Variants in COMMD1 observed in about 807,000 individuals in gnomAD.
The protein encoded by COMMD1 is COMM domain-containing protein 1.
In COMMD1, 10 loss-of-function variants were observed where a neutral mutation model predicts 17.2. That is an observed-to-expected ratio of 0.58 (90% CI 0.36 to 0.99). The LOEUF is 0.99. Ranked by LOEUF, COMMD1 falls within the 50% of genes least tolerant of loss-of-function variation. The pLI, the probability that COMMD1 is intolerant of heterozygous loss-of-function variation, is 0.01. For synonymous variants in COMMD1, 97 were observed against 91.6 expected (o/e 1.06, Z -0.34); for missense variants, 270 against 231.8 (o/e 1.17, Z -1.07).
At chr2:61,951,637 G>A (rs1481750643) in intron 1 of COMMD1, among the ~76,000 whole-genome samples, 3 of 152,018 alleles carry the variant, frequency 2.0e-5, no homozygotes, top group Non-Finnish European at 4.4e-5. Context: ...CTGTATAATG[G>A]GGATATAGTA....
intron 2 of COMMD1, among the ~76,000 whole-genome samples, chr2:62,023,069 A>G (rs1459694491): frequency 1.3e-5 from 2 of 152,186 alleles, no homozygotes; most frequent in African/African-American, 4.8e-5. Flanking sequence ...TCTACTAAAA[A>G]TATAAAATTA....
intron 1 of COMMD1, among the ~76,000 whole-genome samples, chr2:61,894,526 G>A (rs781169110): frequency 1.2e-4 from 18 of 151,764 alleles, no homozygotes; most frequent in Admixed American, 3.9e-4. Context: ...AGGATTTCTT[G>A]TATTTGTTAA....
intron 2 of COMMD1, among the ~76,000 whole-genome samples, chr2:62,059,333 AT>A: frequency 6.6e-6 from 1 of 151,372 alleles, no homozygotes; most frequent in Non-Finnish European, 1.5e-5. Context: ...TTAAAAAAAA[AT>A]TTTTTTGTTT....
chr2:61,915,861 G>T (rs1223461918), intron 1 of COMMD1: 1 of 278,804 alleles, frequency 3.6e-6, no homozygotes. Context: ...ATAAAATAGA[G>T]ATGGGGTCTT....
At chr2:62,083,637 T>A (rs1671586268) in intron 2 of COMMD1, among the ~76,000 whole-genome samples, 1 of 152,264 alleles carries the variant, frequency 6.6e-6, no homozygotes, top group Non-Finnish European at 1.5e-5. Flanking sequence ...TGTTCCTCTG[T>A]TTCCTGTAAG....
Position 61,949,349 on chromosome 2 carries a change from A to G in COMMD1, c.180+43491A>G, listed in dbSNP as rs1430112841. 3.9e-5 allele frequency among the ~76,000 whole-genome samples: 6 copies of G among 152,202 alleles called. No individual in the cohort carries two copies. The East Asian group carries it at 1.2e-3, about 29-fold the overall frequency. ...GGAGAACTTCTAGCCTAAGAGGAGT[A>G]CAGAGAGGCTCAAAACCAAAACTGG... On this transcript the variant is annotated intron_variant, in intron 1 of 2. Transcript: ENST00000311832.
intron 2 of COMMD1, among the ~76,000 whole-genome samples, chr2:62,013,986 A>G (rs919191102): frequency 8.5e-5 from 13 of 152,258 alleles, no homozygotes; most frequent in African/African-American, 3.1e-4. Context: ...ATTACTGAAC[A>G]TAAATTTTTT....
chr2:62,041,881 C>T (rs112478578), intron 2 of COMMD1, among the ~76,000 whole-genome samples: 13 of 152,280 alleles, frequency 8.5e-5, no homozygotes, highest in South Asian at 6.2e-4. Flanking sequence ...CTCATAAAGG[C>T]GATGCAGACC....
At chr2:62,110,801 C>G (rs1194785439) in intron 2 of COMMD1, among the ~76,000 whole-genome samples, 1 of 152,060 alleles carries the variant, frequency 6.6e-6, no homozygotes. Flanking sequence ...TCAAAAAATA[C>G]AGATTAACAA....
intron 1 of COMMD1, among the ~76,000 whole-genome samples, chr2:61,994,936 G>A (rs1395658625): frequency 2.0e-5 from 3 of 152,042 alleles, no homozygotes; most frequent in Non-Finnish European, 1.5e-5. Context: ...AGTCCCCATG[G>A]CCACTAGCAG....
intron 2 of COMMD1, among the ~76,000 whole-genome samples, chr2:62,036,467 A>G (rs1014788324): frequency 1.3e-5 from 2 of 152,206 alleles, no homozygotes; most frequent in Non-Finnish European, 2.9e-5. Flanking sequence ...TTTGAAGACC[A>G]CATAGTCTTC....
At chr2:61,978,488 C>A (rs1441787570) in intron 1 of COMMD1, among the ~76,000 whole-genome samples, 1 of 152,090 alleles carries the variant, frequency 6.6e-6, no homozygotes, top group African/African-American at 2.4e-5. Flanking sequence ...TAGCAATTTA[C>A]TAAAAAATGG....
intron 2 of COMMD1, among the ~76,000 whole-genome samples, chr2:62,099,186 G>A (rs1672103717): frequency 6.6e-6 from 1 of 152,196 alleles, no homozygotes; most frequent in African/African-American, 2.4e-5. Flanking sequence ...AGGAGCAGAA[G>A]GGGAGACAGT....
intron 2 of COMMD1, among the ~76,000 whole-genome samples, chr2:62,071,482 C>T (rs868288474): frequency 3.9e-5 from 6 of 152,022 alleles, no homozygotes; most frequent in Middle Eastern, 3.2e-3. Flanking sequence ...GCCTTAACTT[C>T]CTAGGAATGC....
At chr2:61,888,576 G>C, upstream of COMMD1, 2 of 1,550,796 alleles carry the variant, frequency 1.3e-6, no homozygotes, top group Non-Finnish European at 1.7e-6. Context: ...CGGCCGCAGT[G>C]TAATAACGGT....
chr2:61,990,263 G>C (rs1297049395), intron 1 of COMMD1, among the ~76,000 whole-genome samples: 3 of 152,212 alleles, frequency 2.0e-5, no homozygotes. Flanking sequence ...TCCTGACTGT[G>C]ATTTGCCTTG....
At chr2:61,938,192 A>G (rs1466237503) in intron 1 of COMMD1, among the ~76,000 whole-genome samples, 1 of 151,828 alleles carries the variant, frequency 6.6e-6, no homozygotes, top group Non-Finnish European at 1.5e-5. Context: ...CCATTTCCTG[A>G]TGGTCCACAC....
At chr2:61,895,003 A>G (rs967930961) in intron 1 of COMMD1, among the ~76,000 whole-genome samples, 3 of 152,164 alleles carry the variant, frequency 2.0e-5, no homozygotes, top group Non-Finnish European at 2.9e-5. Flanking sequence ...AGAAGAATAT[A>G]TTTTTAAAAT....
intron 2 of COMMD1, among the ~76,000 whole-genome samples, chr2:62,073,932 GGTGATCCACCC>G (rs1324387801): frequency 6.6e-6 from 1 of 152,136 alleles, no homozygotes; most frequent in African/African-American, 2.4e-5. Flanking sequence ...CCTGACCTCA[GGTGATCCACCC>G]GCCTTGGCCT....
Sources: allele counts gnomAD v4.1 joint callset (sites outside exome capture counted in the v4.1 genomes callset), GRCh38; gene constraint gnomAD v4.1.1; transcripts MANE v1.5; gene names NCBI Gene and HGNC (gene_info 2026-07-23, HGNC 2026-07-21).